The following FAM13C variants were observed in gnomAD, a reference collection of about 807,000 sequenced individuals.
The protein encoded by FAM13C is family with sequence similarity 13 member C.
A neutral mutation model predicts 73.2 loss-of-function variants in FAM13C; 37 were observed. That is an observed-to-expected ratio of 0.51 (90% CI 0.39 to 0.67). The LOEUF (loss-of-function observed/expected upper bound fraction) is 0.67, where lower values mean the gene tolerates loss of function less well. FAM13C is among the 30% of genes least tolerant of loss of function. FAM13C has a pLI of 0.00. For missense variants in FAM13C, 589 were observed against 715.6 expected, an observed-to-expected ratio of 0.82 and a Z score of 2.02; for synonymous variants, 246 against 260.9, an observed-to-expected ratio of 0.94 and a Z score of 0.55.
At position 59,362,255 on chromosome 10, in the gene FAM13C, C is replaced by T. The variant is rs552729960; in HGVS notation, c.62+144G>A. 387 of 1,149,292 alleles carry T rather than the reference C, an allele frequency of 3.4e-4. 4 individuals carry two copies. The highest frequency in any genetic ancestry group is 2.4e-3 in the South Asian group (164 of 69,568). 71.2% of individuals were successfully genotyped at this position (1,149,292 alleles called of 1,614,324 possible). On this transcript the variant is annotated intron_variant, in intron 1 of 13. Transcript: ENST00000618804. The stretch of plus-strand genomic sequence containing the variant: ...GATTTCTGGGCCCCACCAGTCAGCA[C>T]GTCTCACGGTCTTCACAGCCCCAGA...
intron 3 of FAM13C, among the ~76,000 whole-genome samples, chr10:59,344,445 ATT>A (rs34409864): frequency 7.0e-6 from 1 of 143,520 alleles, no homozygotes; most frequent in African/African-American, 2.6e-5. Flanking sequence ...CGCACGGCTG[ATT>A]TTTTTTTTTT....
At chr10:59,303,948 G>A (rs1238683748) in intron 4 of FAM13C, among the ~76,000 whole-genome samples, 2 of 152,148 alleles carry the variant, frequency 1.3e-5, no homozygotes, top group Non-Finnish European at 2.9e-5. Context: ...AGGAGTTTGA[G>A]ACCAGCCTGG....
At chr10:59,298,491 A>G (rs1564544638) in intron 5 of FAM13C, among the ~76,000 whole-genome samples, 1 of 152,180 alleles carries the variant, frequency 6.6e-6, no homozygotes, top group Admixed American at 6.5e-5. Context: ...TTCCTTCTGT[A>G]TGATGATGAC....
chr10:59,274,523 C>T (rs1009632672), intron 6 of FAM13C, among the ~76,000 whole-genome samples: 1 of 152,004 alleles, frequency 6.6e-6, no homozygotes, highest in Non-Finnish European at 1.5e-5. Context: ...GGCCACTAGA[C>T]GTGTTAGGGA....
rs1589597096 is a variant in FAM13C at position 59,320,352 on chromosome 10, G to A, written c.443+3636C>T. 2.0e-5 allele frequency among the ~76,000 whole-genome samples: 3 copies of A among 152,280 alleles called. No individual in the cohort carries two copies. In the South Asian group the frequency reaches 6.2e-4, roughly 32 times the overall value. On this transcript the variant is annotated intron_variant, in intron 4 of 13. Transcript: ENST00000618804. Reference sequence around the variant, plus strand: ...AGGCCTCTAATGTGTGGCACTGTAAGGCCAAGGAATATAATATAGGGAAGG... The same window carrying A: ...AGGCCTCTAATGTGTGGCACTGTAAAGCCAAGGAATATAATATAGGGAAGG...
chr10:59,356,966 C>T (rs1167796975), intron 1 of FAM13C, among the ~76,000 whole-genome samples: 1 of 152,196 alleles, frequency 6.6e-6, no homozygotes, highest in Admixed American at 6.5e-5. Flanking sequence ...AGCCTTTGAA[C>T]ATCAGACTCT....
chr10:59,360,793 G>A (rs963567343), intron 1 of FAM13C, among the ~76,000 whole-genome samples: 8 of 149,928 alleles, frequency 5.3e-5, no homozygotes, highest in Non-Finnish European at 1.2e-4. Flanking sequence ...GAACTCCTTG[G>A]GGAGTGTCCA....
At chr10:59,277,330 T>G (rs532779677) in intron 6 of FAM13C, among the ~76,000 whole-genome samples, 1 of 152,364 alleles carries the variant, frequency 6.6e-6, no homozygotes, top group East Asian at 1.9e-4. Flanking sequence ...ATTTATTTTA[T>G]AAAATGCCCT....
At chr10:59,359,712 C>A (rs1856162958) in intron 1 of FAM13C, among the ~76,000 whole-genome samples, 1 of 152,196 alleles carries the variant, frequency 6.6e-6, no homozygotes, top group African/African-American at 2.4e-5. Context: ...CTAAAGGTTT[C>A]CAAACCCCAA....
chr10:59,247,781 CATT>C (rs770488134), intron 13 of FAM13C, 44 bp from the exon 14 acceptor site: 2 of 1,570,860 alleles, frequency 1.3e-6, no homozygotes, highest in East Asian at 2.3e-5. Context: ...TGAATCAAGT[CATT>C]ATTTAAACAT....
chr10:59,293,219 G>A (rs761024803), intron 5 of FAM13C, among the ~76,000 whole-genome samples: 29 of 150,782 alleles, frequency 1.9e-4, no homozygotes, highest in Non-Finnish European at 3.3e-4. Context: ...GACTACAGGC[G>A]CCCACCACCA....
intron 10 of FAM13C, among the ~76,000 whole-genome samples, chr10:59,260,815 A>C (rs1030375646): frequency 3.0e-4 from 46 of 152,160 alleles, no homozygotes; most frequent in African/African-American, 9.7e-4. Context: ...TTGCAAATGA[A>C]CTATTATCCA....
intron 4 of FAM13C, among the ~76,000 whole-genome samples, chr10:59,310,272 G>C (rs1043731933): frequency 1.3e-5 from 2 of 152,114 alleles, no homozygotes; most frequent in Admixed American, 6.6e-5. Context: ...CTGCTGGCTG[G>C]CTGTATGACT....
chr10:59,248,499 A>G (rs1840958502), intron 13 of FAM13C, among the ~76,000 whole-genome samples: 1 of 152,166 alleles, frequency 6.6e-6, no homozygotes, highest in South Asian at 2.1e-4. Context: ...TTGTCAGGAA[A>G]CGTTTTCTAA....
At chr10:59,362,334 C>G in intron 1 of FAM13C, 65 bp downstream of exon 1, 1 of 1,582,546 alleles carries the variant, frequency 6.3e-7, no homozygotes, top group Non-Finnish European at 8.6e-7. Context: ...GTGGAGGATA[C>G]CTTCACGATA....
At chr10:59,321,317 G>A (rs1357377365) in intron 4 of FAM13C, among the ~76,000 whole-genome samples, 1 of 152,010 alleles carries the variant, frequency 6.6e-6, no homozygotes, top group Non-Finnish European at 1.5e-5. Flanking sequence ...GCTTGAAAAT[G>A]GAGGAAGGGA....
At chr10:59,279,101 C>T (rs1844646016) in intron 6 of FAM13C, among the ~76,000 whole-genome samples, 2 of 152,220 alleles carry the variant, frequency 1.3e-5, no homozygotes, top group Admixed American at 6.5e-5. Context: ...CCTGGAGTGG[C>T]ACCGTGTTCT....
chr10:59,344,985 T>C (rs970836574), intron 3 of FAM13C, among the ~76,000 whole-genome samples: 3 of 152,168 alleles, frequency 2.0e-5, no homozygotes, highest in Non-Finnish European at 4.4e-5. Context: ...TGAATTTATA[T>C]GGCCATATAA....
At chr10:59,260,439 G>T (rs1055159628) in intron 10 of FAM13C, among the ~76,000 whole-genome samples, 13 of 152,122 alleles carry the variant, frequency 8.5e-5, no homozygotes, top group Non-Finnish European at 1.5e-4. Context: ...TGCACAACAA[G>T]CTCTTCCTTT....
Sources: allele counts gnomAD v4.1 joint callset (sites outside exome capture counted in the v4.1 genomes callset), GRCh38; gene constraint gnomAD v4.1.1; transcripts MANE v1.5; gene names NCBI Gene and HGNC (gene_info 2026-07-23, HGNC 2026-07-21).